Variants in FAM89A observed in about 807,000 individuals in gnomAD.
FAM89A encodes family with sequence similarity 89 member A.
Under a neutral mutation model 7.1 loss-of-function variants are expected in FAM89A, and 10 were observed. That is an observed-to-expected ratio of 1.40 (90% confidence interval 0.86 to 2.38). FAM89A has a LOEUF of 2.38. Among genes scored for constraint, FAM89A ranks in the 30% most tolerant of loss-of-function variants. FAM89A has a pLI of 0.00. For synonymous variants in FAM89A, 157 were observed against 129.3 expected, an observed-to-expected ratio of 1.21 and a Z score of -1.45; for missense variants, 276 against 262.8, an observed-to-expected ratio of 1.05 and a Z score of -0.35.
rs751233152 is a variant in FAM89A, at chr1:231,019,983, C to CTCTTCATCGA, written c.425_434dup (p.Glu145AspfsTer3). 6.2e-5 allele frequency: 100 copies of CTCTTCATCGA among 1,614,042 alleles called. No homozygotes were observed. The highest frequency in any genetic ancestry group is 8.1e-5 in the Non-Finnish European group (95 of 1,180,034). On this transcript the variant is annotated stop_gained and frameshift_variant, in exon 2 of 2. Transcript: ENST00000366654. LOFTEE classifies it low-confidence loss of function (END_TRUNC). ...AGTTCTGCTCCTGGAAATATTCCTCCTCTTCATCGAAGAAGCCGTTCTCCA... is the reference window on the plus strand; with the variant it reads ...AGTTCTGCTCCTGGAAATATTCCTCCTCTTCATCGATCTTCATCGAAGAAGCCGTTCTCCA...
At chr1:231,030,337 A>G (rs750614440) in intron 1 of FAM89A, among the ~76,000 whole-genome samples, 5 of 152,178 alleles carry the variant, frequency 3.3e-5, no homozygotes, top group African/African-American at 7.2e-5. Context: ...TCCCACCTCT[A>G]TACTTTCCAG....
Position 231,040,201 on chromosome 1 carries a change from G to A in FAM89A, c.11C>T (p.Ala4Val), listed in dbSNP as rs1284070550. 13 of 1,090,686 alleles carry A rather than the reference G, an allele frequency of 1.2e-5. No homozygotes were observed. The Admixed American group carries it at 5.7e-4, about 48-fold the overall frequency. The allele number at this position is 1,090,686 out of a possible 1,614,324, so 67.6% of individuals were successfully genotyped here. MSG[A>V]RAAPGAAGNG... ...GCCCGCGGCCCCGGGCGCCGCCCGG[G>A]CCCCACTCATCGCGCCGCGGCCCGG... is the stretch of plus-strand genomic sequence containing the variant. The change falls in exon 1 of 2, where the codon GCC becomes GTC. Residue 4 changes from alanine (A) to valine (V), a missense_variant. Coordinates refer to ENST00000366654, the MANE Select transcript of FAM89A (RefSeq NM_198552.3).
At position 231,019,489 on chromosome 1, in the gene FAM89A, T is replaced by A. The variant is rs1383021916; in HGVS notation, c.*374A>T. ...GCAAGAACCCTAACACAAAGAGGAT[T>A]GGAATACTCTACCATCTGTAAGGAA... On this transcript the variant is annotated 3_prime_UTR_variant, in exon 2 of 2. Coordinates refer to ENST00000366654, the MANE Select transcript of FAM89A (RefSeq NM_198552.3). 2 of 193,072 alleles carry A rather than the reference T, an allele frequency of 1.0e-5. No homozygotes were observed. Among genetic ancestry groups the A allele is most frequent in the South Asian group, 2.3e-4 (2 of 8,662 alleles). 12.0% of individuals were successfully genotyped at this position (193,072 alleles called of 1,614,324 possible).
In FAM89A at chr1:231,039,939, C is replaced by A; in HGVS notation, c.273G>T (p.Ala91=). Residue 91 remains alanine (A), a synonymous_variant, in exon 1 of 2, where the codon GCG becomes GCT. Coordinates refer to ENST00000366654, the MANE Select transcript of FAM89A (RefSeq NM_198552.3). The part of the protein sequence containing the change: ...AKPPNLDAAL[A]LLRKEMVGLR... The stretch of plus-strand genomic sequence containing the variant: ...CACTCACCATCTCTTTGCGGAGCAG[C>A]GCCAGAGCGGCGTCCAGGTTGGGAG... The A allele has an allele frequency of 7.4e-7, 1 of 1,351,336 alleles. No individual in the cohort carries two copies. The highest frequency in any genetic ancestry group is 9.4e-7 in the Non-Finnish European group (1 of 1,059,394). The allele number at this position is 1,351,336 out of a possible 1,614,324, so 83.7% of individuals were successfully genotyped here. A position where few individuals can be genotyped will look rare whatever the true frequency, so the allele number is the denominator to read the frequency against.
intron 1 of FAM89A, among the ~76,000 whole-genome samples, chr1:231,036,304 G>A (rs1278918794): frequency 1.3e-5 from 2 of 152,126 alleles, no homozygotes; most frequent in African/African-American, 4.8e-5. Context: ...GGTGTGATAA[G>A]CCCCTTAACA....
rs548079911 is a variant in FAM89A, at chr1:231,037,234, T to C, written c.291+2687A>G. ...AAACAGACTTTGAGTATCTATCTCA[T>C]GGAGAATTTATACCATTAAATAAGA... On this transcript the variant is annotated intron_variant, in intron 1 of 1. Coordinates refer to ENST00000366654, the MANE Select transcript of FAM89A (RefSeq NM_198552.3). Among the ~76,000 whole-genome samples the C allele has an allele frequency of 3.9e-4, 59 of 152,310 alleles. 1 individual carries two copies. Among genetic ancestry groups the C allele is most frequent in the African/African-American group, 1.3e-3 (55 of 41,552 alleles).
Position 231,020,472 on chromosome 1 carries a change from T to C in FAM89A, c.292-346A>G, listed in dbSNP as rs533439145. On this transcript the variant is annotated intron_variant, in intron 1 of 1. Transcript: ENST00000366654. ...TTCACTTTGGACGCCAAGAAACGAGTGTGTCACTTCCTCTCCCAATCAGAC... is the reference window on the plus strand; with the variant it reads ...TTCACTTTGGACGCCAAGAAACGAGCGTGTCACTTCCTCTCCCAATCAGAC... Among the ~76,000 whole-genome samples, 324 of 152,184 alleles carry C rather than the reference T, an allele frequency of 2.1e-3. 2 individuals are homozygous for C. The highest frequency in any genetic ancestry group is 7.5e-3 in the African/African-American group (312 of 41,510).
intron 1 of FAM89A, among the ~76,000 whole-genome samples, chr1:231,024,202 CAA>C (rs34183379): frequency 0.23 from 33,770 of 144,932 alleles, 4,907 homozygotes; most frequent in Non-Finnish European, 0.34. Context: ...TAATTTGAAC[CAA>C]AAAAAAAAAA....
chr1:231,038,484 T>G (rs1362310477), intron 1 of FAM89A, among the ~76,000 whole-genome samples: 1 of 152,234 alleles, frequency 6.6e-6, no homozygotes, highest in South Asian at 2.1e-4. Context: ...TTCACCCCCG[T>G]GGTTCTGCTA....
At chr1:231,023,563 T>C (rs911545842) in intron 1 of FAM89A, among the ~76,000 whole-genome samples, 3 of 152,232 alleles carry the variant, frequency 2.0e-5, no homozygotes, top group African/African-American at 4.8e-5. Context: ...ATAACTGACC[T>C]TCAGTTTACC....
intron 1 of FAM89A, among the ~76,000 whole-genome samples, chr1:231,021,409 TG>T (rs35451200): frequency 0.25 from 38,546 of 152,216 alleles, 5,389 homozygotes; most frequent in Admixed American, 0.39. Flanking sequence ...GCTTCTTCTC[TG>T]GAGTGCGCCG....
chr1:231,039,121 C>T (rs983053477), intron 1 of FAM89A, among the ~76,000 whole-genome samples: 2 of 152,272 alleles, frequency 1.3e-5, no homozygotes, highest in Non-Finnish European at 2.9e-5. Flanking sequence ...AATCCCTGCC[C>T]TTGTCCTACT....
intron 1 of FAM89A, 90 bp from the exon 2 acceptor site, chr1:231,020,216 C>T (rs1679850146): frequency 2.3e-6 from 3 of 1,307,068 alleles, no homozygotes; most frequent in Non-Finnish European, 3.1e-6. Context: ...CTGCGCCTGC[C>T]AGCACATTCC....
At chr1:231,039,175 C>G (rs554224157) in intron 1 of FAM89A, among the ~76,000 whole-genome samples, 6 of 152,378 alleles carry the variant, frequency 3.9e-5, no homozygotes, top group Non-Finnish European at 5.9e-5. Flanking sequence ...CCACAAACAG[C>G]TAATGTACTT....
Position 231,020,097 on chromosome 1 carries a change from C to A in FAM89A, c.321G>T (p.Leu107Phe). Residue 107 changes from leucine to phenylalanine, a missense_variant, in exon 2 of 2, where the codon TTG becomes TTT. Coordinates refer to ENST00000366654, the MANE Select transcript of FAM89A (RefSeq NM_198552.3). ...MVGLRQLDMSLLCQLYSLYES... is the reference protein window; with the variant it reads ...MVGLRQLDMSFLCQLYSLYES... Reference sequence around the variant, plus strand: ...CGTAGAGGCTGTACAGTTGGCAGAGCAAGGACATGTCCAGCTGGCGGAGAC... The same window carrying A: ...CGTAGAGGCTGTACAGTTGGCAGAGAAAGGACATGTCCAGCTGGCGGAGAC... The A allele has an allele frequency of 6.2e-7, 1 of 1,612,934 alleles. No individual in the cohort carries two copies. The highest frequency in any genetic ancestry group is 1.1e-5 in the South Asian group (1 of 91,012).
At position 231,019,816 on chromosome 1, in the gene FAM89A, G is replaced by A. The variant is rs932505203; in HGVS notation, c.*47C>T. On this transcript the variant is annotated 3_prime_UTR_variant, in exon 2 of 2. Coordinates refer to ENST00000366654, the MANE Select transcript of FAM89A (RefSeq NM_198552.3). ...GAGAAGCAGCAAATGATGACAGCGTGTCCAGTAGGAAGGGCTTCCCAACAG... is the reference window on the plus strand; with the variant it reads ...GAGAAGCAGCAAATGATGACAGCGTATCCAGTAGGAAGGGCTTCCCAACAG... 6.3e-7 allele frequency: 1 copy of A among 1,586,664 alleles called. No individual in the cohort carries two copies. Among genetic ancestry groups the A allele is most frequent in the Non-Finnish European group, 8.6e-7 (1 of 1,162,764 alleles).
chr1:231,021,475 G>A, intron 1 of FAM89A: 1 of 616,634 alleles, frequency 1.6e-6, no homozygotes, highest in Non-Finnish European at 2.9e-6. Flanking sequence ...CTGGAAATCT[G>A]TCCCGATCCA....
In FAM89A at chr1:231,040,224, C is replaced by A; in HGVS notation, c.-13G>T. On this transcript the variant is annotated 5_prime_UTR_variant, in exon 1 of 2. Coordinates refer to ENST00000366654, the MANE Select transcript of FAM89A (RefSeq NM_198552.3). ...GGGCCCCACTCATCGCGCCGCGGCC[C>A]GGCCACGCGCCTGCCCCGCTGCAGC... is the stretch of plus-strand genomic sequence containing the variant. 1 of 1,045,246 alleles carries A rather than the reference C, an allele frequency of 9.6e-7. No homozygotes were observed. The highest frequency in any genetic ancestry group is 1.1e-6 in the Non-Finnish European group (1 of 871,282). 64.7% of individuals were successfully genotyped at this position (1,045,246 alleles called of 1,614,324 possible).
At chr1:231,026,205 GC>G (rs1210860509) in intron 1 of FAM89A, 1 of 154,388 alleles carries the variant, frequency 6.5e-6, no homozygotes, top group Admixed American at 6.6e-5. Flanking sequence ...AAACAGAAGC[GC>G]CCCATCCCAC....
Sources: allele counts gnomAD v4.1 joint callset (sites outside exome capture counted in the v4.1 genomes callset), GRCh38; gene constraint gnomAD v4.1.1; transcripts MANE v1.5; gene names NCBI Gene and HGNC (gene_info 2026-07-23, HGNC 2026-07-21).